Variants in SOX6 observed in about 807,000 individuals in gnomAD.
SOX6 encodes the protein SRY-box transcription factor 6.
SOX6 carries 11 observed loss-of-function variants against 97.8 expected under a neutral mutation model. The ratio of observed to expected loss-of-function variants is 0.11; its 90% CI spans 0.07 to 0.19. The LOEUF (loss-of-function observed/expected upper bound fraction) is 0.19. Ranked by LOEUF, SOX6 falls within the 10% of genes least tolerant of loss-of-function variation. The pLI, the probability that SOX6 is intolerant of heterozygous loss-of-function variation, is 1.00. For missense variants in SOX6, 810 were observed against 1,039.5 expected (o/e 0.78, Z 3.04); for synonymous variants, 360 against 371.4 (o/e 0.97, Z 0.35).
At chr11:16,327,855 G>A (rs1590128714) in intron 2 of SOX6, among the ~76,000 whole-genome samples, 2 of 152,114 alleles carry the variant, frequency 1.3e-5, no homozygotes, top group African/African-American at 2.4e-5. Context: ...AGAAATGACT[G>A]GGAAATGGCA....
At chr11:16,515,909 C>A (rs1468739920) in intron 4 of SOX6, among the ~76,000 whole-genome samples, 1 of 143,768 alleles carries the variant, frequency 7.0e-6, no homozygotes, top group Non-Finnish European at 1.5e-5. Context: ...TGATCTATAT[C>A]TCTGTTTTGG....
At chr11:16,295,025 A>G (rs1171211760) in intron 3 of SOX6, among the ~76,000 whole-genome samples, 2 of 152,080 alleles carry the variant, frequency 1.3e-5, no homozygotes, top group Admixed American at 1.3e-4. Context: ...ACTCTTCACA[A>G]CATTCACATT....
At chr11:16,044,718 A>C (rs1212389717) in intron 12 of SOX6, among the ~76,000 whole-genome samples, 1 of 152,212 alleles carries the variant, frequency 6.6e-6, no homozygotes, top group Non-Finnish European at 1.5e-5. Flanking sequence ...CAGTAACATT[A>C]TGCAGGAGAG....
upstream of SOX6, among the ~76,000 whole-genome samples, chr11:16,356,851 T>C (rs1428344984): frequency 1.3e-5 from 2 of 151,936 alleles, no homozygotes; most frequent in African/African-American, 4.8e-5. Context: ...ACAGTCCCCA[T>C]TAAAAAAGCC....
At chr11:16,138,504 T>A (rs1239116407) in intron 6 of SOX6, among the ~76,000 whole-genome samples, 1 of 152,146 alleles carries the variant, frequency 6.6e-6, no homozygotes, top group Non-Finnish European at 1.5e-5. Context: ...CTGATCTTTA[T>A]AACCTTAAAA....
At chr11:16,308,683 A>T (rs2134285907) in intron 3 of SOX6, among the ~76,000 whole-genome samples, 1 of 152,308 alleles carries the variant, frequency 6.6e-6, no homozygotes, top group Middle Eastern at 3.4e-3. Context: ...AATTATTGTA[A>T]ACCTGATGCA....
intron 14 of SOX6, among the ~76,000 whole-genome samples, chr11:15,988,204 G>A (rs1007118860): frequency 1.3e-5 from 2 of 152,152 alleles, no homozygotes; most frequent in Admixed American, 1.3e-4. Context: ...TTTTAAAGAG[G>A]AAACATGTTG....
chr11:16,252,738 G>A (rs1308786444), intron 3 of SOX6, among the ~76,000 whole-genome samples: 1 of 152,086 alleles, frequency 6.6e-6, no homozygotes, highest in East Asian at 1.9e-4. Flanking sequence ...CTAGGGTAAG[G>A]GAAATACCCA....
chr11:16,111,315 T>A (rs1425398832), intron 7 of SOX6, among the ~76,000 whole-genome samples: 3 of 152,226 alleles, frequency 2.0e-5, no homozygotes, highest in Non-Finnish European at 4.4e-5. Flanking sequence ...TACTGAATAC[T>A]TCATTTTTTT....
At chr11:16,567,652 C>T (rs922766314) in intron 4 of SOX6, among the ~76,000 whole-genome samples, 4 of 147,506 alleles carry the variant, frequency 2.7e-5, no homozygotes, top group Admixed American at 7.0e-5. Flanking sequence ...CTGCAACCTC[C>T]GCCTTCTGGG....
chr11:16,132,239 GAAA>G lies in SOX6; in HGVS notation c.778-20319_778-20317del, dbSNP rs1590215762. Reference sequence around the variant, plus strand: ...CAGCTGCTTCTCAAAAAAAAAGAAAGAAAGAAAGGAAGGAAGAAAGAAAGAAAG... The same window carrying G: ...CAGCTGCTTCTCAAAAAAAAAGAAAGGAAAGGAAGGAAGAAAGAAAGAAAG... On this transcript the variant is annotated intron_variant, in intron 6 of 15. Coordinates refer to ENST00000683767, the MANE Select transcript of SOX6 (RefSeq NM_001367873.1). 3.0e-5 allele frequency among the ~76,000 whole-genome samples: 4 copies of G among 134,482 alleles called. 1 individual carries two copies. In the East Asian group the frequency reaches 8.9e-4, roughly 30 times the overall value. The allele number at this position is 134,482 out of a possible 152,430, so 88.2% of individuals were successfully genotyped here. A position where few individuals can be genotyped will look rare whatever the true frequency, so the allele number is the denominator to read the frequency against.
intron 9 of SOX6, among the ~76,000 whole-genome samples, chr11:16,073,142 T>C (rs1014206860): frequency 6.6e-6 from 1 of 152,128 alleles, no homozygotes; most frequent in Non-Finnish European, 1.5e-5. Flanking sequence ...TTAAAAGGCA[T>C]GAAGTGGCAC....
chr11:16,070,576 G>T (rs1482456401), intron 9 of SOX6, among the ~76,000 whole-genome samples: 1 of 152,146 alleles, frequency 6.6e-6, no homozygotes, highest in Admixed American at 6.5e-5. Flanking sequence ...GCCCATGTGT[G>T]CTGCTCTCAC....
At chr11:15,978,784 A>C (rs961988191) in intron 15 of SOX6, among the ~76,000 whole-genome samples, 3 of 138,368 alleles carry the variant, frequency 2.2e-5, no homozygotes, top group African/African-American at 7.8e-5. Context: ...CAAAGGGCTC[A>C]CTGGAGATAT....
At chr11:16,287,298 T>TCACACACACACACACACA (rs371413164) in intron 3 of SOX6, among the ~76,000 whole-genome samples, 1 of 123,450 alleles carries the variant, frequency 8.1e-6, no homozygotes, top group African/African-American at 3.3e-5. Flanking sequence ...TCTCTCTCTC[T>TCACACACACACACACACA]CACACACACA....
intron 9 of SOX6, among the ~76,000 whole-genome samples, chr11:16,083,195 C>A (rs1848509108): frequency 6.6e-6 from 1 of 152,138 alleles, no homozygotes; most frequent in South Asian, 2.1e-4. Flanking sequence ...TAACAATTAT[C>A]ACATTGCTTA....
intron 4 of SOX6, among the ~76,000 whole-genome samples, chr11:16,487,045 C>G (rs1000664114): frequency 6.6e-6 from 1 of 151,906 alleles, no homozygotes; most frequent in Non-Finnish European, 1.5e-5. Context: ...TTCAAAAACT[C>G]CCGGGCTAAA....
chr11:16,325,094 T>A (rs1302656560), intron 2 of SOX6, among the ~76,000 whole-genome samples: 5 of 152,156 alleles, frequency 3.3e-5, no homozygotes, highest in Non-Finnish European at 5.9e-5. Context: ...GGACAACAGA[T>A]AATTTTATTT....
rs1016034941 is a variant in SOX6 at position 15,971,454 on chromosome 11, T to C, written c.*1355A>G. 1.3e-5 allele frequency: 2 copies of C among 152,636 alleles called. No homozygotes were observed. Among genetic ancestry groups the C allele is most frequent in the African/African-American group, 4.8e-5 (2 of 41,440 alleles). The allele number at this position is 152,636 out of a possible 1,614,324, so 9.5% of individuals were successfully genotyped here. A position where few individuals can be genotyped will look rare whatever the true frequency, so the allele number is the denominator to read the frequency against. On this transcript the variant is annotated 3_prime_UTR_variant, in exon 16 of 16. Coordinates refer to ENST00000683767, the MANE Select transcript of SOX6 (RefSeq NM_001367873.1). ...CTCTCCTGCCTGGCAGTCACCACTG[T>C]TGAACCTTGCTGCTGAATGGAATTC...
Sources: allele counts gnomAD v4.1 joint callset (sites outside exome capture counted in the v4.1 genomes callset), GRCh38; gene constraint gnomAD v4.1.1; transcripts MANE v1.5; gene names NCBI Gene and HGNC (gene_info 2026-07-23, HGNC 2026-07-21).